MME: variants seen among roughly 807,000 people sequenced by gnomAD.
MME encodes neprilysin.
MME carries 98 observed loss-of-function variants against 113.2 expected under a neutral mutation model. The observed-to-expected ratio is 0.87, with a 90% CI of 0.74 to 1.02. The LOEUF (loss-of-function observed/expected upper bound fraction) is 1.02, where lower values mean the gene tolerates loss of function less well. Among genes scored for constraint, MME ranks in the 50% least tolerant of loss-of-function variants. The probability of loss-of-function intolerance (pLI) is 0.00; values close to 1 mark genes in which losing one functional copy is unlikely to be tolerated. For missense variants in MME, 836 were observed against 896.0 expected (o/e 0.93, Z 0.86); for synonymous variants, 292 against 300.6 (o/e 0.97, Z 0.30).
intron 12 of MME, among the ~76,000 whole-genome samples, chr3:155,142,584 T>C (rs985764820): frequency 3.3e-5 from 5 of 152,176 alleles, no homozygotes; most frequent in Admixed American, 6.6e-5. Flanking sequence ...ATTTAACCAG[T>C]TCATGAAAGA....
At chr3:155,098,655 C>T (rs1716951741) in intron 3 of MME, among the ~76,000 whole-genome samples, 1 of 151,714 alleles carries the variant, frequency 6.6e-6, no homozygotes. Flanking sequence ...AAACAAAAAA[C>T]ACTTCTAAGA....
At chr3:155,165,930 A>C (rs1336961264) in intron 17 of MME, among the ~76,000 whole-genome samples, 2 of 152,222 alleles carry the variant, frequency 1.3e-5, no homozygotes, top group African/African-American at 4.8e-5. Flanking sequence ...TTGATGCATT[A>C]AATATAACAC....
chr3:155,090,934 G>A (rs983292250), intron 3 of MME, among the ~76,000 whole-genome samples: 3 of 152,208 alleles, frequency 2.0e-5, no homozygotes, highest in Non-Finnish European at 4.4e-5. Context: ...AGGCATCTCT[G>A]CCTTCTTGCC....
chr3:155,065,593 G>A (rs898143642), intron 1 of MME, among the ~76,000 whole-genome samples: 1 of 152,124 alleles, frequency 6.6e-6, no homozygotes, highest in Admixed American at 6.5e-5. Context: ...GTGAAATTTT[G>A]TCTCTTTATC....
chr3:155,077,588 T>C (rs1319126349), upstream of MME, among the ~76,000 whole-genome samples: 1 of 152,038 alleles, frequency 6.6e-6, no homozygotes, highest in Non-Finnish European at 1.5e-5. Flanking sequence ...TCAACTTTAA[T>C]GAAATCAAGA....
At position 155,181,102 on chromosome 3, in the gene MME, G is replaced by A. The variant is rs1713041095; in HGVS notation, c.*643G>A. 1 of 152,350 alleles carries A rather than the reference G, an allele frequency of 6.6e-6. No individual in the cohort carries two copies. The highest frequency in any genetic ancestry group is 6.6e-5 in the Admixed American group (1 of 15,246). 9.4% of individuals were successfully genotyped at this position (152,350 alleles called of 1,614,324 possible). On this transcript the variant is annotated 3_prime_UTR_variant, in exon 23 of 23. Coordinates refer to ENST00000360490, the MANE Select transcript of MME (RefSeq NM_007289.4). ...TTTTGTTGTACCTGCTTTGACTGATGCTGAGATTCTTCAGGCTTCCTGCAA... is the reference window on the plus strand; with the variant it reads ...TTTTGTTGTACCTGCTTTGACTGATACTGAGATTCTTCAGGCTTCCTGCAA...
In MME at chr3:155,063,196, T is replaced by TATAATAATATACATATGTATATTA. The variant is rs1714220264; in HGVS notation, c.-10-20962_-10-20961insATAATAATATACATATGTATATTA. On this transcript the variant is annotated intron_variant, in intron 1 of 22. Transcript: ENST00000492661. Reference sequence around the variant, plus strand: ...ATTATATACTTTGTAATATATATTATTTATATATTATATAATAATATACAT... The same window carrying TATAATAATATACATATGTATATTA: ...ATTATATACTTTGTAATATATATTATATAATAATATACATATGTATATTATTATATATTATATAATAATATACAT... 2.4e-5 allele frequency among the ~76,000 whole-genome samples: 3 copies of TATAATAATATACATATGTATATTA among 124,104 alleles called. No individual in the cohort carries two copies. The South Asian group carries it at 6.7e-4, about 28-fold the overall frequency. 81.4% of individuals were successfully genotyped at this position (124,104 alleles called of 152,430 possible).
Position 155,147,150 on chromosome 3 carries a change from G to A in MME, c.1423G>A (p.Ala475Thr). The A allele has an allele frequency of 6.3e-7, 1 of 1,594,376 alleles. No homozygotes were observed. The highest frequency in any genetic ancestry group is 8.6e-7 in the Non-Finnish European group (1 of 1,162,366). The change falls in exon 15 of 23, where the codon GCA becomes ACA. Residue 475 changes from alanine to threonine, a missense_variant. Physicochemically the swap from Ala to Thr is moderately conservative, Grantham distance 58. Transcript: ENST00000360490. ...AATATTATAATTTTCATAGGCCTTA[G>A]CAATTAAAGAAAGGATCGGCTATCC... ...TKKRAEEKAL[A>T]IKERIGYPDD... is the part of the protein sequence containing the mutation.
intron 3 of MME, among the ~76,000 whole-genome samples, chr3:155,091,876 A>C (rs61762356): frequency 5.9e-5 from 9 of 152,276 alleles, no homozygotes; most frequent in Admixed American, 1.3e-4. Flanking sequence ...CTATTTCTGA[A>C]CCAGCTGAAA....
rs1303686394 is a variant in MME, at chr3:155,070,987, C to A, written c.-10-13171C>A. Among the ~76,000 whole-genome samples the A allele has an allele frequency of 2.0e-5, 3 of 152,232 alleles. No homozygotes were observed. In the East Asian group the frequency reaches 5.8e-4, roughly 29 times the overall value. ...CCCCCAGAGTCAGGGCCACAGCTGT[C>A]CACAGGAAATGCATCAGAGAGGTCT... On this transcript the variant is annotated intron_variant, in intron 1 of 22. Coordinates refer to the MME transcript ENST00000492661.
chr3:155,078,646 A>AAT (rs1714855856), upstream of MME, among the ~76,000 whole-genome samples: 2 of 141,320 alleles, frequency 1.4e-5, no homozygotes, highest in South Asian at 5.0e-4. Flanking sequence ...GTGGAGTGTG[A>AAT]ATATGTGTGT....
Position 155,138,195 on chromosome 3 carries a change from G to A in MME, c.814G>A (p.Glu272Lys). The A allele has an allele frequency of 6.2e-7, 1 of 1,613,674 alleles. No homozygotes were observed. The highest frequency in any genetic ancestry group is 8.5e-7 in the Non-Finnish European group (1 of 1,179,752). ...LPIDENQLAL[E>K]MNKVMELEKE... ...CATCGATGAAAACCAGCTTGCTTTG[G>A]AAATGAATAAAGTTATGGAATTGGA... is the stretch of plus-strand genomic sequence containing the variant. The change falls in exon 9 of 23, where the codon GAA (glutamate) becomes AAA (lysine). Residue 272 changes from glutamate to lysine, a missense_variant. By Grantham distance (56) the Glu-to-Lys change is moderately conservative. Coordinates refer to ENST00000360490, the MANE Select transcript of MME (RefSeq NM_007289.4).
chr3:155,035,816 A>G (rs561465397), intron 1 of MME, among the ~76,000 whole-genome samples: 2 of 152,180 alleles, frequency 1.3e-5, no homozygotes, highest in Non-Finnish European at 2.9e-5. Context: ...CCATTGTAAG[A>G]GAGGTGTCTC....
intron 3 of MME, among the ~76,000 whole-genome samples, chr3:155,089,586 A>T (rs1220419669): frequency 1.3e-5 from 2 of 152,194 alleles, no homozygotes; most frequent in Non-Finnish European, 2.9e-5. Flanking sequence ...ATGACTGGGT[A>T]CCACTGGTTT....
At chr3:155,133,062 A>AAAAAATAT (rs1553762419) in intron 8 of MME, among the ~76,000 whole-genome samples, 2 of 75,102 alleles carry the variant, frequency 2.7e-5, no homozygotes, top group Non-Finnish European at 5.2e-5. Context: ...AAAAAAAAAA[A>AAAAAATAT]ATATATATAT....
chr3:155,031,372 TTG>T (rs978925416), intron 1 of MME, among the ~76,000 whole-genome samples: 2 of 151,968 alleles, frequency 1.3e-5, no homozygotes, highest in Admixed American at 1.3e-4. Context: ...AGAAAGAAAA[TTG>T]TGCAATATGG....
At chr3:155,076,166 C>A (rs754078731), upstream of MME, among the ~76,000 whole-genome samples, 1 of 152,174 alleles carries the variant, frequency 6.6e-6, no homozygotes, top group Non-Finnish European at 1.5e-5. Flanking sequence ...AGTATAAATT[C>A]TATTCCTACA....
At position 155,166,928 on chromosome 3, in the gene MME, C is replaced by A. The variant is rs1218393299; in HGVS notation, c.1687C>A (p.Pro563Thr). ...CTTCCCAGCCGGCATTCTGCAGCCC[C>A]CCTTCTTTAGTGCCCAGCAGTCCAA... ...IVFPAGILQP[P>T]FFSAQQSNSL... Residue 563 changes from proline (P) to threonine (T), a missense_variant, in exon 18 of 23, where the codon CCC becomes ACC. Physicochemically the swap from Pro to Thr is conservative, Grantham distance 38. Coordinates refer to ENST00000360490, the MANE Select transcript of MME (RefSeq NM_007289.4). 6.2e-6 allele frequency: 10 copies of A among 1,613,704 alleles called. No homozygotes were observed. The highest frequency in any genetic ancestry group is 7.6e-6 in the Non-Finnish European group (9 of 1,179,750).
Position 155,140,250 on chromosome 3 carries a change from G to C in MME, c.915G>C (p.Leu305Phe). 1 of 1,612,838 alleles carries C rather than the reference G, an allele frequency of 6.2e-7. No homozygotes were observed. The highest frequency in any genetic ancestry group is 8.5e-7 in the Non-Finnish European group (1 of 1,179,300). Residue 305 changes from leucine (L) to phenylalanine (F), a missense_variant, in exon 10 of 23, where the codon TTG becomes TTC. Transcript: ENST00000360490. ...DPMLLYNKMT[L>F]AQIQNNFSLE... ...TGCTTCTGTATAACAAGATGACATT[G>C]GCCCAGATCCAAAATAACTTTTCAC...
Sources: allele counts gnomAD v4.1 joint callset (sites outside exome capture counted in the v4.1 genomes callset), GRCh38; gene constraint gnomAD v4.1.1; transcripts MANE v1.5; gene names NCBI Gene and HGNC (gene_info 2026-07-23, HGNC 2026-07-21).